AZIN1: variants seen among roughly 807,000 people sequenced by gnomAD.
AZIN1 encodes the protein antizyme inhibitor 1.
In AZIN1, 12 loss-of-function variants were observed where a neutral mutation model predicts 47.4. The observed-to-expected ratio is 0.25, with a 90% CI of 0.16 to 0.41. The LOEUF (loss-of-function observed/expected upper bound fraction) is 0.41. Ranked by LOEUF, AZIN1 falls within the 10% of genes least tolerant of loss-of-function variation. The probability of loss-of-function intolerance (pLI) is 1.00; values close to 1 mark genes in which losing one functional copy is unlikely to be tolerated. For synonymous variants in AZIN1, 155 were observed against 176.3 expected (o/e 0.88, Z 0.96); for missense variants, 410 against 532.4 (o/e 0.77, Z 2.26).
intron 5 of AZIN1, among the ~76,000 whole-genome samples, 155 bp downstream of exon 5, chr8:102,838,589 T>G (rs1811971545): frequency 6.6e-6 from 1 of 152,192 alleles, no homozygotes; most frequent in African/African-American, 2.4e-5. Flanking sequence ...GCCAATAAAA[T>G]GTTACTAGTG....
rs1023167412 is a variant in AZIN1, at chr8:102,843,723, C to T, written c.-71G>A. 4 of 1,589,352 alleles carry T rather than the reference C, an allele frequency of 2.5e-6. No individual in the cohort carries two copies. The highest frequency in any genetic ancestry group is 3.4e-6 in the Non-Finnish European group (4 of 1,170,656). ...AAGAGACGGGCCACCAAGCCTATGT[C>T]TGGGTCCTTAGAATATGCAACAAAC... On this transcript the variant is annotated 5_prime_UTR_variant, in exon 3 of 12. Coordinates refer to ENST00000337198, the MANE Select transcript of AZIN1 (RefSeq NM_148174.4).
intron 2 of AZIN1, among the ~76,000 whole-genome samples, chr8:102,847,749 A>G (rs1812662736): frequency 6.6e-6 from 1 of 151,852 alleles, no homozygotes; most frequent in Non-Finnish European, 1.5e-5. Context: ...TGTCCAGCTA[A>G]TTTTTTATTT....
At chr8:102,833,298 A>C (rs2304348) in intron 8 of AZIN1, 80 bp from the exon 9 acceptor site, 163,000 of 1,356,860 alleles carry the variant, frequency 0.12, 10,973 homozygotes, top group Admixed American at 0.25. Flanking sequence ...TATTAACAAA[A>C]TTTTCTAGGA....
intron 2 of AZIN1, among the ~76,000 whole-genome samples, chr8:102,853,497 C>T (rs114999826): frequency 0.022 from 3,410 of 152,190 alleles, 114 homozygotes; most frequent in African/African-American, 0.076. Context: ...AGCGAAACTT[C>T]GTCTCAAAAA....
intron 3 of AZIN1, among the ~76,000 whole-genome samples, chr8:102,842,526 T>C (rs932851950): frequency 9.2e-5 from 14 of 151,416 alleles, no homozygotes; most frequent in African/African-American, 3.4e-4. Context: ...GCCAACATGG[T>C]GAAACCCCAC....
chr8:102,829,921 C>T lies in AZIN1; in HGVS notation c.920G>A (p.Ser307Asn). Residue 307 changes from serine to asparagine, a missense_variant, in exon 10 of 12, where the codon AGT becomes AAT. Ser to Asn is a conservative substitution (Grantham distance 46). This residue lies in a region of AZIN1 where 168 missense variants were observed against 198.3 expected (regional missense o/e 0.85). Coordinates refer to ENST00000337198, the MANE Select transcript of AZIN1 (RefSeq NM_148174.4). ...KFPSGVEKTGSDEPAFMYYMN... is the reference protein window; with the variant it reads ...KFPSGVEKTGNDEPAFMYYMN... ...ATAATACATGAAGGCTGGTTCATCA[C>T]TTCCGGTTTTTTCTACTGGAATAAA... 1.2e-6 allele frequency: 2 copies of T among 1,604,312 alleles called. No individual in the cohort carries two copies. Among genetic ancestry groups the T allele is most frequent in the Non-Finnish European group, 1.7e-6 (2 of 1,175,870 alleles).
intron 2 of AZIN1, among the ~76,000 whole-genome samples, chr8:102,853,313 A>C (rs552501642): frequency 6.6e-6 from 1 of 152,334 alleles, no homozygotes; most frequent in South Asian, 2.1e-4. Flanking sequence ...GACAAGTCTG[A>C]CCAATATGGT....
At chr8:102,844,344 TAAAAAAAAAA>T (rs34491786) in intron 2 of AZIN1, among the ~76,000 whole-genome samples, 2 of 144,220 alleles carry the variant, frequency 1.4e-5, no homozygotes, top group Non-Finnish European at 3.1e-5. Flanking sequence ...CCGTCTCTCC[TAAAAAAAAAA>T]AAAAAATTCC....
intron 2 of AZIN1, among the ~76,000 whole-genome samples, chr8:102,851,255 A>G (rs1348340261): frequency 2.6e-5 from 4 of 152,222 alleles, no homozygotes; most frequent in Non-Finnish European, 5.9e-5. Flanking sequence ...CCTGATTACA[A>G]TTAAGCATAG....
In AZIN1 at chr8:102,829,880, A is replaced by AC; in HGVS notation, c.960_961insG (p.Tyr321ValfsTer7). ...GACAGTTTACTTGCAAAAGAACCAT[A>AC]AACACCATCATTCATATAATACATG... On this transcript the variant is annotated frameshift_variant, in exon 10 of 12. Transcript: ENST00000337198. LOFTEE classifies it high-confidence loss of function. 1 of 1,613,606 alleles carries AC rather than the reference A, an allele frequency of 6.2e-7. No individual in the cohort carries two copies. Among genetic ancestry groups the AC allele is most frequent in the Non-Finnish European group, 8.5e-7 (1 of 1,179,836 alleles).
chr8:102,843,522 A>T (rs914232107), intron 3 of AZIN1, 29 bp downstream of exon 3: 3 of 1,575,954 alleles, frequency 1.9e-6, no homozygotes, highest in African/African-American at 2.7e-5. Context: ...GGAAAATGAC[A>T]AACACTGTAT....
chr8:102,859,643 T>C (rs1354223420), intron 1 of AZIN1, among the ~76,000 whole-genome samples: 1 of 152,226 alleles, frequency 6.6e-6, no homozygotes, highest in Non-Finnish European at 1.5e-5. Flanking sequence ...AAGATCAGTC[T>C]GGTCAACACA....
chr8:102,847,570 ATTTT>A (rs200379142), intron 2 of AZIN1, among the ~76,000 whole-genome samples: 3 of 141,982 alleles, frequency 2.1e-5, no homozygotes, highest in Non-Finnish European at 4.6e-5. Flanking sequence ...AATTTTTCCC[ATTTT>A]TTTTTTTTTT....
intron 3 of AZIN1, among the ~76,000 whole-genome samples, chr8:102,842,172 T>G (rs578069344): frequency 6.6e-6 from 1 of 151,996 alleles, no homozygotes; most frequent in East Asian, 1.9e-4. Flanking sequence ...TCTGTAGAAG[T>G]TGACTCCTAG....
intron 2 of AZIN1, among the ~76,000 whole-genome samples, chr8:102,857,156 T>G (rs1813345714): frequency 6.6e-6 from 1 of 152,204 alleles, no homozygotes; most frequent in Non-Finnish European, 1.5e-5. Flanking sequence ...TTCCTTCTCT[T>G]TAGCCTTAAA....
intron 3 of AZIN1, among the ~76,000 whole-genome samples, chr8:102,842,814 A>G (rs1644071405): frequency 6.6e-6 from 1 of 151,930 alleles, no homozygotes; most frequent in Non-Finnish European, 1.5e-5. Context: ...AAGGATCCTA[A>G]ATCAATTGCT....
At position 102,828,737 on chromosome 8, in the gene AZIN1, A is replaced by G. The variant is rs1343960584; in HGVS notation, c.1236-59T>C. 5.9e-6 allele frequency: 6 copies of G among 1,021,188 alleles called. No homozygotes were observed. In the African/African-American group the frequency reaches 6.4e-5, roughly 11 times the overall value. The allele number at this position is 1,021,188 out of a possible 1,614,324, so 63.3% of individuals were successfully genotyped here. ...TTAAGCCCAAAGACCACGTAATCAC[A>G]TAACAAATGGATAATAAAACAGGAT... On this transcript the variant is annotated intron_variant, in intron 11 of 11. Coordinates refer to ENST00000337198, the MANE Select transcript of AZIN1 (RefSeq NM_148174.4).
At chr8:102,839,157 G>C (rs1812016799) in intron 4 of AZIN1, among the ~76,000 whole-genome samples, 1 of 152,108 alleles carries the variant, frequency 6.6e-6, no homozygotes, top group Non-Finnish European at 1.5e-5. Flanking sequence ...ACTGTGCCTA[G>C]CCAAACCAAT....
Position 102,828,459 on chromosome 8 carries a change from C to T in AZIN1, c.*108G>A. 1.4e-6 allele frequency: 1 copy of T among 713,898 alleles called. No individual in the cohort carries two copies. The highest frequency in any genetic ancestry group is 2.6e-5 in the South Asian group (1 of 38,380). 44.2% of individuals were successfully genotyped at this position (713,898 alleles called of 1,614,324 possible). On this transcript the variant is annotated 3_prime_UTR_variant, in exon 12 of 12. Coordinates refer to ENST00000337198, the MANE Select transcript of AZIN1 (RefSeq NM_148174.4). ...TAGCTATTACTAATAGTTTTTGTTG[C>T]CAAAAGAATTAAGAGAATAAGATTG...
Sources: gnomAD v4.1 joint callset for allele counts (sites outside exome capture counted in the v4.1 genomes callset) on GRCh38, gnomAD v4.1.1 for gene constraint, gnomAD v4.1.1 regional missense constraint, MANE v1.5 for transcripts, NCBI Gene and HGNC (gene_info 2026-07-23, HGNC 2026-07-21) for gene names.